Variants in KAZN observed in about 807,000 individuals in gnomAD.
KAZN encodes kazrin.
In KAZN, 40 loss-of-function variants were observed where a neutral mutation model predicts 87.4. The observed-to-expected ratio is 0.46, with a 90% CI of 0.36 to 0.60. KAZN has a LOEUF of 0.60. Ranked by LOEUF, KAZN falls within the 20% of genes least tolerant of loss-of-function variation. The probability of loss-of-function intolerance (pLI) is 0.00; values close to 1 mark genes in which losing one functional copy is unlikely to be tolerated. For synonymous variants in KAZN, 466 were observed against 458.3 expected, an observed-to-expected ratio of 1.02 and a Z score of -0.22; for missense variants, 898 against 1,073.9, an observed-to-expected ratio of 0.84 and a Z score of 2.29.
intron 1 of KAZN, among the ~76,000 whole-genome samples, chr1:14,745,262 GAAAAAA>G (rs528235060): frequency 3.0e-5 from 3 of 99,364 alleles, no homozygotes; most frequent in Middle Eastern, 5.5e-3. Context: ...AGAAAAAAAG[GAAAAAA>G]AAAAAAAAAA....
At chr1:14,156,508 C>A (rs1026229186) in intron 1 of KAZN, among the ~76,000 whole-genome samples, 1 of 152,154 alleles carries the variant, frequency 6.6e-6, no homozygotes, top group Non-Finnish European at 1.5e-5. Context: ...CTTTATATAT[C>A]TGGGTCCTCC....
intron 1 of KAZN, among the ~76,000 whole-genome samples, chr1:13,923,692 G>A (rs769575490): frequency 6.6e-6 from 1 of 152,036 alleles, no homozygotes; most frequent in Non-Finnish European, 1.5e-5. Context: ...ATGAGGAGGG[G>A]TTGGTCTCGC....
At chr1:15,009,846 G>A (rs997300242) in intron 2 of KAZN, among the ~76,000 whole-genome samples, 4 of 152,066 alleles carry the variant, frequency 2.6e-5, no homozygotes, top group Admixed American at 6.5e-5. Flanking sequence ...CCCTCCGCTC[G>A]TTCCTCCCCA....
At chr1:14,648,495 G>T (rs1680978570) in intron 1 of KAZN, among the ~76,000 whole-genome samples, 1 of 152,072 alleles carries the variant, frequency 6.6e-6, no homozygotes, top group Admixed American at 6.5e-5. Flanking sequence ...GATTTTAGCT[G>T]ATCTAAAGGA....
chr1:14,529,379 T>C (rs769762861), intron 2 of KAZN, among the ~76,000 whole-genome samples: 3 of 152,224 alleles, frequency 2.0e-5, no homozygotes, highest in Non-Finnish European at 2.9e-5. Flanking sequence ...ATCATGTGTC[T>C]CTGAGGGGGG....
At chr1:14,775,084 C>CCTAAGA (rs1214943790) in intron 1 of KAZN, among the ~76,000 whole-genome samples, 29 of 152,194 alleles carry the variant, frequency 1.9e-4, no homozygotes, top group African/African-American at 6.5e-4. Context: ...AAGAGGCTCA[C>CCTAAGA]GGGTGTTTAC....
At chr1:15,059,822 T>C (rs1038277507) in intron 5 of KAZN, among the ~76,000 whole-genome samples, 11 of 152,164 alleles carry the variant, frequency 7.2e-5, no homozygotes, top group Non-Finnish European at 1.6e-4. Flanking sequence ...CGGTGCTGCT[T>C]AGAAATGAAT....
intron 2 of KAZN, among the ~76,000 whole-genome samples, chr1:14,563,700 C>T (rs1316241686): frequency 6.6e-6 from 1 of 152,044 alleles, no homozygotes; most frequent in Non-Finnish European, 1.5e-5. Flanking sequence ...CAGCTCTCAC[C>T]ACTCCTCCCC....
intron 1 of KAZN, among the ~76,000 whole-genome samples, chr1:14,743,109 G>A (rs1644157693): frequency 6.6e-6 from 1 of 152,170 alleles, no homozygotes; most frequent in Non-Finnish European, 1.5e-5. Flanking sequence ...CAGGAGTAGG[G>A]AGAGTTCCAT....
At chr1:14,094,489 T>C (rs191588186) in intron 1 of KAZN, among the ~76,000 whole-genome samples, 83 of 152,306 alleles carry the variant, frequency 5.4e-4, no homozygotes, top group South Asian at 3.3e-3. Context: ...TATGTAAATG[T>C]TTAAATTAAC....
rs552328988 is a variant in KAZN at position 13,926,029 on chromosome 1, A to G, written c.91+32273A>G. The stretch of plus-strand genomic sequence containing the variant: ...GGCACATATGGGGTGGTTGGGGGAC[A>G]GAGCGTGATTTGGTTTTGATAATGG... On this transcript the variant is annotated intron_variant, in intron 1 of 16. Transcript: ENST00000636203. 3.9e-5 allele frequency among the ~76,000 whole-genome samples: 6 copies of G among 152,270 alleles called. No individual in the cohort carries two copies. The South Asian group carries it at 6.2e-4, about 16-fold the overall frequency.
intron 1 of KAZN, among the ~76,000 whole-genome samples, chr1:14,069,051 C>T (rs1643134207): frequency 6.6e-6 from 1 of 152,166 alleles, no homozygotes; most frequent in Non-Finnish European, 1.5e-5. Context: ...CCTGCCTGGG[C>T]CTCGCAAAGT....
intron 1 of KAZN, among the ~76,000 whole-genome samples, chr1:14,716,463 T>C (rs189152408): frequency 1.3e-5 from 2 of 152,270 alleles, no homozygotes; most frequent in Non-Finnish European, 2.9e-5. Flanking sequence ...CATCTGTCTG[T>C]TTCATTCCGT....
chr1:14,907,131 C>T (rs1165754258), intron 1 of KAZN, among the ~76,000 whole-genome samples: 2 of 151,988 alleles, frequency 1.3e-5, no homozygotes, highest in Non-Finnish European at 2.9e-5. Context: ...TGCAGTGGCT[C>T]ATACCTGTAA....
At chr1:14,810,012 C>T (rs3916544) in intron 1 of KAZN, among the ~76,000 whole-genome samples, 37,740 of 152,058 alleles carry the variant, frequency 0.25, 5,461 homozygotes, top group African/African-American at 0.4. Context: ...TTGTGCATTG[C>T]AGGTGCATTA....
chr1:14,173,436 C>T (rs1045421435), intron 1 of KAZN, among the ~76,000 whole-genome samples: 1 of 152,162 alleles, frequency 6.6e-6, no homozygotes, highest in Non-Finnish European at 1.5e-5. Flanking sequence ...GTTTTATTCT[C>T]AGGCAAGAGT....
chr1:14,360,603 G>T (rs1244836069), intron 2 of KAZN, among the ~76,000 whole-genome samples: 1 of 152,086 alleles, frequency 6.6e-6, no homozygotes, highest in Admixed American at 6.6e-5. Context: ...CTTTGATGCT[G>T]CTGACCTTCG....
At chr1:14,672,784 C>A (rs1280240634) in intron 1 of KAZN, among the ~76,000 whole-genome samples, 1 of 152,158 alleles carries the variant, frequency 6.6e-6, no homozygotes, top group Non-Finnish European at 1.5e-5. Flanking sequence ...AGCACAGGCA[C>A]CAAAAAGTGT....
intron 2 of KAZN, among the ~76,000 whole-genome samples, chr1:14,544,219 TTC>T (rs1251844598): frequency 6.6e-6 from 1 of 151,938 alleles, no homozygotes; most frequent in Non-Finnish European, 1.5e-5. Flanking sequence ...GAATAGAGAT[TTC>T]TGAGTTGGGG....
Sources: allele counts gnomAD v4.1 joint callset (sites outside exome capture counted in the v4.1 genomes callset), GRCh38; gene constraint gnomAD v4.1.1; transcripts MANE v1.5; gene names NCBI Gene and HGNC (gene_info 2026-07-23, HGNC 2026-07-21).